The following CFAP57 variants were observed in gnomAD, a reference collection of about 807,000 sequenced individuals.
The protein encoded by CFAP57 is cilia and flagella associated protein 57.
A neutral mutation model predicts 146.8 loss-of-function variants in CFAP57; 116 were observed. The ratio of observed to expected loss-of-function variants is 0.79; its 90% confidence interval spans 0.68 to 0.92. CFAP57 has a LOEUF of 0.92. Among genes scored for constraint, CFAP57 ranks in the 40% least tolerant of loss-of-function variants. The pLI is 0.00. For synonymous variants in CFAP57, 518 were observed against 552.8 expected (o/e 0.94, Z 0.88); for missense variants, 1,377 against 1,527.2 (o/e 0.90, Z 1.64).
chr1:43,179,331 A>AG (rs1484889935), intron 2 of CFAP57, among the ~76,000 whole-genome samples: 1 of 152,202 alleles, frequency 6.6e-6, no homozygotes, highest in Non-Finnish European at 1.5e-5. Flanking sequence ...TGTTTTAAGG[A>AG]GGAGAGGCGA....
At chr1:43,203,646 A>G (rs933149053) in intron 9 of CFAP57, among the ~76,000 whole-genome samples, 2 of 152,052 alleles carry the variant, frequency 1.3e-5, no homozygotes, top group Non-Finnish European at 1.5e-5. Context: ...TTTTTAGTAG[A>G]GACAGGGTTT....
At chr1:43,210,995 G>A (rs375359356) in intron 11 of CFAP57, 1 of 151,244 alleles carries the variant, frequency 6.6e-6, no homozygotes, top group African/African-American at 2.4e-5. Flanking sequence ...ACAGGCACTG[G>A]GAAGGTATGT....
intron 7 of CFAP57, among the ~76,000 whole-genome samples, 189 bp downstream of exon 7, chr1:43,197,881 G>A (rs1362216445): frequency 1.3e-5 from 2 of 152,200 alleles, no homozygotes; most frequent in Non-Finnish European, 2.9e-5. Context: ...CTACTTTGTG[G>A]TTTATTTAAT....
chr1:43,186,831 T>A lies in CFAP57; in HGVS notation c.1094T>A (p.Ile365Asn), dbSNP rs1322041736. Reference protein sequence around the residue: ...ASTSKNQLYSITMSLTEISKG... With the variant: ...ASTSKNQLYSNTMSLTEISKG... ...ACCAGTAAGAACCAACTCTACAGCA[T>A]CACCATGTCCCTGACAGAGATCAGC... The change falls in exon 6 of 23, where the codon ATC becomes AAC. Residue 365 changes from isoleucine to asparagine, a missense_variant. By Grantham distance (149) the Ile-to-Asn change is moderately radical. Coordinates refer to ENST00000372492, the MANE Select transcript of CFAP57 (RefSeq NM_001378189.1). 6.2e-7 allele frequency: 1 copy of A among 1,614,076 alleles called. No individual in the cohort carries two copies. Among genetic ancestry groups the A allele is most frequent in the Non-Finnish European group, 8.5e-7 (1 of 1,180,008 alleles).
At chr1:43,229,780 A>G (rs1645396973) in intron 18 of CFAP57, among the ~76,000 whole-genome samples, 1 of 130,366 alleles carries the variant, frequency 7.7e-6, no homozygotes, top group South Asian at 2.6e-4. Context: ...TCTGTCCTGT[A>G]TATTGTAGGA....
rs1325419067 is a variant in CFAP57 at position 43,222,993 on chromosome 1, A to AG, written c.2703dup (p.Lys902GlufsTer10). On this transcript the variant is annotated frameshift_variant, in exon 16 of 23. Transcript: ENST00000372492. LOFTEE classifies it high-confidence loss of function. ...AAGGGAGAAACAGGCATCATGAGGA[A>AG]GAAGGTAGCAGGCTGTTCTCCAAGA... 6.5e-7 allele frequency: 1 copy of AG among 1,548,044 alleles called. No individual in the cohort carries two copies. The highest frequency in any genetic ancestry group is 2.0e-5 in the Admixed American group (1 of 50,756).
intron 8 of CFAP57, 125 bp downstream of exon 8, chr1:43,198,771 A>G (rs1170885103): frequency 1.0e-6 from 1 of 957,160 alleles, no homozygotes; most frequent in African/African-American, 1.6e-5. Context: ...AGTGGCTTAA[A>G]AAAAGGGGGA....
At chr1:43,232,026 T>C in intron 18 of CFAP57, 1 of 694,164 alleles carries the variant, frequency 1.4e-6, no homozygotes. Context: ...CTTAGATGGG[T>C]GGTGCCCACA....
intron 4 of CFAP57, among the ~76,000 whole-genome samples, chr1:43,184,273 G>A (rs1439163921): frequency 1.3e-5 from 2 of 152,176 alleles, no homozygotes; most frequent in Middle Eastern, 3.2e-3. Context: ...AATTCAGCAG[G>A]AGGCGACAGA....
intron 9 of CFAP57, among the ~76,000 whole-genome samples, chr1:43,202,287 A>G (rs537157248): frequency 1.3e-5 from 2 of 152,378 alleles, no homozygotes; most frequent in East Asian, 3.8e-4. Flanking sequence ...AATAAAAGGC[A>G]GGAAATAAAG....
chr1:43,226,083 GA>G (rs1645232685), intron 17 of CFAP57, among the ~76,000 whole-genome samples: 1 of 152,220 alleles, frequency 6.6e-6, no homozygotes. Context: ...TGAGGCAGGA[GA>G]ATCGCTTGAA....
chr1:43,173,011 G>A, intron 2 of CFAP57, 101 bp downstream of exon 2: 1 of 1,021,070 alleles, frequency 9.8e-7, no homozygotes, highest in South Asian at 1.3e-5. Flanking sequence ...TGGCCAATTT[G>A]AATATATATG....
intron 18 of CFAP57, chr1:43,231,930 A>G (rs1376719356): frequency 6.3e-6 from 3 of 477,254 alleles, no homozygotes; most frequent in Middle Eastern, 5.2e-4. Flanking sequence ...TGAAGACAGG[A>G]CACTTCTCAG....
chr1:43,230,420 A>C (rs1011778940), intron 18 of CFAP57, among the ~76,000 whole-genome samples: 4 of 151,548 alleles, frequency 2.6e-5, no homozygotes, highest in African/African-American at 9.7e-5. Flanking sequence ...ACATCATTCC[A>C]CTCCTGGTCT....
intron 9 of CFAP57, among the ~76,000 whole-genome samples, chr1:43,205,171 C>T (rs1403990679): frequency 6.6e-6 from 1 of 152,178 alleles, no homozygotes; most frequent in Non-Finnish European, 1.5e-5. Context: ...GTCCCTTTCC[C>T]TTGTTCTATC....
intron 6 of CFAP57, among the ~76,000 whole-genome samples, chr1:43,193,893 AC>A (rs1292543075): frequency 2.0e-5 from 3 of 152,178 alleles, no homozygotes; most frequent in South Asian, 4.1e-4. Context: ...ATTTGTTCCC[AC>A]CCACCATTTG....
chr1:43,221,220 G>A (rs547696845), intron 13 of CFAP57, among the ~76,000 whole-genome samples, 152 bp from the exon 14 acceptor site: 2 of 152,336 alleles, frequency 1.3e-5, no homozygotes, highest in African/African-American at 4.8e-5. Context: ...AAGTGACAAT[G>A]TGGTTGCTGC....
In CFAP57 at chr1:43,185,375, A is replaced by G. The variant is rs781009452; in HGVS notation, c.969+19A>G. On this transcript the variant is annotated intron_variant, in intron 5 of 22. Transcript: ENST00000372492. ...AATCAGGGTAAGGCGGGAAGAAAAA[A>G]AAGAAGTAAAATGGGGGTCCTATTG... 16 of 1,611,938 alleles carry G rather than the reference A, an allele frequency of 9.9e-6. No homozygotes were observed. In the South Asian group the frequency reaches 1.6e-4, roughly 17 times the overall value.
Position 43,211,889 on chromosome 1 carries a change from C to T in CFAP57, c.1929+1973C>T, listed in dbSNP as rs191091666. Among the ~76,000 whole-genome samples the T allele has an allele frequency of 6.2e-4, 94 of 152,292 alleles. 1 individual carries two copies. Among genetic ancestry groups the T allele is most frequent in the Admixed American group, 6.0e-3 (91 of 15,292 alleles). On this transcript the variant is annotated intron_variant, in intron 11 of 22. Coordinates refer to ENST00000372492, the MANE Select transcript of CFAP57 (RefSeq NM_001378189.1). ...AGCCCAGTTTACAAATTTATATGTG[C>T]ATCTCTGATTCTCTCCTAAGACTAA...
Sources: allele counts gnomAD v4.1 joint callset (sites outside exome capture counted in the v4.1 genomes callset), GRCh38; gene constraint gnomAD v4.1.1; transcripts MANE v1.5; gene names NCBI Gene and HGNC (gene_info 2026-07-23, HGNC 2026-07-21).